RCAN2: variants seen among roughly 807,000 people sequenced by gnomAD.
RCAN2 encodes the protein regulator of calcineurin 2.
RCAN2 carries 9 observed loss-of-function variants against 23.6 expected under a neutral mutation model. The observed-to-expected ratio is 0.38, with a 90% confidence interval of 0.23 to 0.67. RCAN2 has a LOEUF of 0.67. Among genes scored for constraint, RCAN2 ranks in the 30% least tolerant of loss-of-function variants. RCAN2 has a pLI of 0.51. For missense variants in RCAN2, 273 were observed against 302.3 expected (o/e 0.90, Z 0.72); for synonymous variants, 109 against 115.7 (o/e 0.94, Z 0.37).
chr6:46,300,679 A>G (rs1321810051), intron 2 of RCAN2, among the ~76,000 whole-genome samples: 3 of 152,086 alleles, frequency 2.0e-5, no homozygotes, highest in Non-Finnish European at 2.9e-5. Flanking sequence ...CAGAGAAAAT[A>G]GAATAATAAG....
chr6:46,315,277 C>T (rs1253140145), intron 2 of RCAN2, among the ~76,000 whole-genome samples: 6 of 152,112 alleles, frequency 3.9e-5, no homozygotes, highest in Non-Finnish European at 7.3e-5. Flanking sequence ...ACAGAAAAGC[C>T]CCTGCCCTCA....
At chr6:46,301,192 G>C (rs984024621) in intron 2 of RCAN2, among the ~76,000 whole-genome samples, 1 of 151,978 alleles carries the variant, frequency 6.6e-6, no homozygotes, top group Non-Finnish European at 1.5e-5. Context: ...TAAGAGACAA[G>C]AACAGATGAA....
intron 1 of RCAN2, among the ~76,000 whole-genome samples, chr6:46,477,562 G>T (rs1768749392): frequency 6.6e-6 from 1 of 152,136 alleles, no homozygotes; most frequent in East Asian, 1.9e-4. Context: ...GTCATTTTAT[G>T]AGTAAAATGT....
intron 2 of RCAN2, among the ~76,000 whole-genome samples, chr6:46,374,403 T>C (rs1765405371): frequency 6.6e-6 from 1 of 152,240 alleles, no homozygotes; most frequent in Non-Finnish European, 1.5e-5. Flanking sequence ...TTCATACATG[T>C]TGCTCCAGCT....
intron 2 of RCAN2, among the ~76,000 whole-genome samples, chr6:46,251,179 T>C (rs2150319800): frequency 6.6e-6 from 1 of 152,326 alleles, no homozygotes; most frequent in South Asian, 2.1e-4. Context: ...GCTTTTTGTC[T>C]CCCTTCATCT....
intron 2 of RCAN2, among the ~76,000 whole-genome samples, chr6:46,417,259 C>A (rs1766738684): frequency 6.6e-6 from 1 of 152,108 alleles, no homozygotes; most frequent in Non-Finnish European, 1.5e-5. Context: ...ACATGTTCTC[C>A]CCTACTGAGT....
intron 2 of RCAN2, among the ~76,000 whole-genome samples, chr6:46,313,617 G>A (rs140543977): frequency 7.2e-5 from 11 of 152,224 alleles, no homozygotes; most frequent in African/African-American, 1.4e-4. Flanking sequence ...ATAACAAATG[G>A]CTTCTTGGTT....
rs546538159 is a variant in RCAN2, at chr6:46,410,251, A to G, written c.225+46501T>C. Reference sequence around the variant, plus strand: ...TGCTACTAGCATCCCAGGTTCTCCAATTTGCAGAAGGTCCATCATGGGACT... The same window carrying G: ...TGCTACTAGCATCCCAGGTTCTCCAGTTTGCAGAAGGTCCATCATGGGACT... On this transcript the variant is annotated intron_variant, in intron 2 of 4. Transcript: ENST00000371374. Among the ~76,000 whole-genome samples the G allele has an allele frequency of 4.7e-4, 71 of 152,302 alleles. 1 individual carries two copies. The highest frequency in any genetic ancestry group is 1.3e-3 in the African/African-American group (55 of 41,570).
intron 2 of RCAN2, among the ~76,000 whole-genome samples, chr6:46,401,370 C>G (rs1187171971): frequency 1.3e-5 from 2 of 152,142 alleles, no homozygotes; most frequent in Admixed American, 1.3e-4. Flanking sequence ...CCACAAGGGT[C>G]CCCCTACAGT....
At chr6:46,312,633 C>T (rs1187909115) in intron 2 of RCAN2, among the ~76,000 whole-genome samples, 2 of 152,218 alleles carry the variant, frequency 1.3e-5, no homozygotes, top group Admixed American at 6.5e-5. Flanking sequence ...AAACCTTACC[C>T]TTGTTGAATG....
rs1290554195 is a variant in RCAN2, at chr6:46,268,200, A to T, written c.226-19304T>A. ...CAAATTTTTACTCGCTTCATTAAAC[A>T]ATCATGTCTGTCTCATTTTTTTCCT... On this transcript the variant is annotated intron_variant, in intron 2 of 4. Transcript: ENST00000371374. 2.0e-5 allele frequency among the ~76,000 whole-genome samples: 3 copies of T among 152,240 alleles called. No homozygotes were observed. The East Asian group carries it at 5.8e-4, about 29-fold the overall frequency.
At chr6:46,281,177 T>C (rs1271398826) in intron 2 of RCAN2, among the ~76,000 whole-genome samples, 1 of 152,078 alleles carries the variant, frequency 6.6e-6, no homozygotes, top group Non-Finnish European at 1.5e-5. Context: ...GGAATGGCAG[T>C]AGGGAATTAG....
chr6:46,327,267 T>C (rs1038886833), intron 2 of RCAN2, among the ~76,000 whole-genome samples: 1 of 151,992 alleles, frequency 6.6e-6, no homozygotes, highest in Non-Finnish European at 1.5e-5. Flanking sequence ...GAATGCTGGA[T>C]CCCATGTTAG....
intron 2 of RCAN2, among the ~76,000 whole-genome samples, chr6:46,426,027 T>A (rs1435886781): frequency 6.6e-6 from 1 of 151,702 alleles, no homozygotes; most frequent in East Asian, 1.9e-4. Flanking sequence ...GCCTACTGAG[T>A]AGCTAGGACT....
intron 1 of RCAN2, among the ~76,000 whole-genome samples, chr6:46,466,353 G>A (rs959114656): frequency 1.3e-5 from 2 of 152,162 alleles, no homozygotes; most frequent in Non-Finnish European, 2.9e-5. Context: ...AGATACTGCA[G>A]CTTTGAGAAA....
chr6:46,374,667 T>C (rs1015928153), intron 2 of RCAN2, among the ~76,000 whole-genome samples: 1 of 152,144 alleles, frequency 6.6e-6, no homozygotes, highest in African/African-American at 2.4e-5. Flanking sequence ...ACAAAACCAA[T>C]CTGAAAATTT....
rs1406564385 is a variant in RCAN2, at chr6:46,376,862, G to A, written c.225+79890C>T. 3.8e-5 allele frequency among the ~76,000 whole-genome samples: 5 copies of A among 130,044 alleles called. No homozygotes were observed. In the East Asian group the frequency reaches 1.3e-3, roughly 34 times the overall value. The allele number at this position is 130,044 out of a possible 152,430, so 85.3% of individuals were successfully genotyped here. On this transcript the variant is annotated intron_variant, in intron 2 of 4. Transcript: ENST00000371374. The stretch of plus-strand genomic sequence containing the variant: ...TTTGTTTCAGTTTTCACTTCCCCCC[G>A]CCCCGCACCCCCTCCCCCACAGCTG...
intron 2 of RCAN2, among the ~76,000 whole-genome samples, chr6:46,401,599 G>A (rs1766249968): frequency 6.6e-6 from 1 of 152,162 alleles, no homozygotes. Context: ...CTCAATTTCA[G>A]TGTACTCAGG....
At chr6:46,454,255 A>G (rs1010157627) in intron 2 of RCAN2, among the ~76,000 whole-genome samples, 1 of 152,226 alleles carries the variant, frequency 6.6e-6, no homozygotes, top group Non-Finnish European at 1.5e-5. Context: ...ATGTCTTAAA[A>G]TAAGTGATTT....
Sources: gnomAD v4.1 joint callset for allele counts (sites outside exome capture counted in the v4.1 genomes callset) on GRCh38, gnomAD v4.1.1 for gene constraint, MANE v1.5 for transcripts, NCBI Gene and HGNC (gene_info 2026-07-23, HGNC 2026-07-21) for gene names.